SLCO1B1: variants seen among roughly 807,000 people sequenced by gnomAD.
The protein encoded by SLCO1B1 is solute carrier organic anion transporter family member 1B1, also known as OATP-2.
SLCO1B1 carries 81 observed loss-of-function variants against 70.1 expected under a neutral mutation model. The ratio of observed to expected loss-of-function variants is 1.16; its 90% CI spans 0.97 to 1.39. The LOEUF (loss-of-function observed/expected upper bound fraction) is 1.39. Ranked by LOEUF, SLCO1B1 falls within the 40% of genes most tolerant of loss-of-function variation. The probability of loss-of-function intolerance (pLI) is 0.00; values close to 1 mark genes in which losing one functional copy is unlikely to be tolerated. For missense variants in SLCO1B1, 895 were observed against 799.6 expected (o/e 1.12, Z -1.44); for synonymous variants, 283 against 271.5 (o/e 1.04, Z -0.42).
At chr12:21,153,571 G>T (rs1940501622) in intron 2 of SLCO1B1, among the ~76,000 whole-genome samples, 1 of 151,870 alleles carries the variant, frequency 6.6e-6, no homozygotes, top group South Asian at 2.1e-4. Context: ...TCAATTGTTG[G>T]ATGTATAATT....
Position 21,202,471 on chromosome 12 carries a change from T to C in SLCO1B1, c.1136-20T>C, listed in dbSNP as rs779297335. The stretch of plus-strand genomic sequence containing the variant: ...CAGAAAACTCATATATGATTACAAC[T>C]TTTTTTCTTTTTTTTCTAGGAGTCA... On this transcript the variant is annotated intron_variant, in intron 9 of 14. Coordinates refer to ENST00000256958, the MANE Select transcript of SLCO1B1 (RefSeq NM_006446.5). 25 of 1,525,910 alleles carry C rather than the reference T, an allele frequency of 1.6e-5. No homozygotes were observed. In the South Asian group the frequency reaches 2.9e-4, roughly 18 times the overall value. 94.5% of individuals were successfully genotyped at this position (1,525,910 alleles called of 1,614,324 possible).
At chr12:21,180,302 C>T (rs1940879017) in intron 7 of SLCO1B1, among the ~76,000 whole-genome samples, 1 of 152,104 alleles carries the variant, frequency 6.6e-6, no homozygotes, top group South Asian at 2.1e-4. Context: ...TAAAACTTTT[C>T]CCTCTTTTTC....
Position 21,219,412 on chromosome 12 carries a change from G to C in SLCO1B1, c.1682+2109G>C, listed in dbSNP as rs183095843. Reference sequence around the variant, plus strand: ...GTTGACATGTACAAGGTCCAAAAACGTGTGTAAGGAGGAGAGAGGTGACAA... The same window carrying C: ...GTTGACATGTACAAGGTCCAAAAACCTGTGTAAGGAGGAGAGAGGTGACAA... On this transcript the variant is annotated intron_variant, in intron 12 of 14. Transcript: ENST00000256958. Among the ~76,000 whole-genome samples, 402 of 152,306 alleles carry C rather than the reference G, an allele frequency of 2.6e-3. 1 individual carries two copies. Among genetic ancestry groups the C allele is most frequent in the Non-Finnish European group, 4.2e-3 (284 of 68,014 alleles).
At chr12:21,189,202 T>C (rs1940998600) in intron 7 of SLCO1B1, among the ~76,000 whole-genome samples, 1 of 152,208 alleles carries the variant, frequency 6.6e-6, no homozygotes, top group African/African-American at 2.4e-5. Context: ...CCTTTTATAC[T>C]GGCTGTACCT....
chr12:21,228,061 T>G (rs1199568733), intron 14 of SLCO1B1, among the ~76,000 whole-genome samples: 1 of 152,116 alleles, frequency 6.6e-6, no homozygotes, highest in Non-Finnish European at 1.5e-5. Context: ...TATGTTATTC[T>G]TGTGTACTTT....
chr12:21,228,661 T>C (rs1000917042), intron 14 of SLCO1B1, among the ~76,000 whole-genome samples: 1 of 152,132 alleles, frequency 6.6e-6, no homozygotes, highest in Admixed American at 6.5e-5. Context: ...GTTGCTGGGT[T>C]TGAAGATGGA....
intron 7 of SLCO1B1, among the ~76,000 whole-genome samples, chr12:21,188,588 A>G (rs1217446127): frequency 6.6e-6 from 1 of 152,054 alleles, no homozygotes; most frequent in Non-Finnish European, 1.5e-5. Flanking sequence ...TGATTGGGTG[A>G]TAAAGGTAGT....
In SLCO1B1 at chr12:21,210,885, G is replaced by A. The variant is rs571818190; in HGVS notation, c.1497+4852G>A. Among the ~76,000 whole-genome samples the A allele has an allele frequency of 7.2e-5, 11 of 152,058 alleles. No homozygotes were observed. The South Asian group carries it at 1.0e-3, about 14-fold the overall frequency. On this transcript the variant is annotated intron_variant, in intron 11 of 14. Coordinates refer to ENST00000256958, the MANE Select transcript of SLCO1B1 (RefSeq NM_006446.5). ...TTGTCTGTTGTTGGTGTATAGGAATGCTTGTGATTTTTGTACATTGATTTT... is the reference window on the plus strand; with the variant it reads ...TTGTCTGTTGTTGGTGTATAGGAATACTTGTGATTTTTGTACATTGATTTT...
chr12:21,134,349 A>T (rs1940185174), intron 1 of SLCO1B1, among the ~76,000 whole-genome samples: 1 of 152,212 alleles, frequency 6.6e-6, no homozygotes, highest in Non-Finnish European at 1.5e-5. Flanking sequence ...TGGCCTCATA[A>T]AATGAGTTAG....
chr12:21,171,404 A>G (rs1298758358), intron 2 of SLCO1B1, among the ~76,000 whole-genome samples: 4 of 152,164 alleles, frequency 2.6e-5, no homozygotes, highest in Non-Finnish European at 4.4e-5. Context: ...AAAAAAGAGG[A>G]TAGGTTGTTT....
At chr12:21,232,003 G>A (rs1298537020) in intron 14 of SLCO1B1, among the ~76,000 whole-genome samples, 3 of 152,082 alleles carry the variant, frequency 2.0e-5, no homozygotes, top group Non-Finnish European at 4.4e-5. Context: ...AGTGTATGAG[G>A]TATTTTCAAA....
chr12:21,146,465 A>G (rs899868118), intron 2 of SLCO1B1, among the ~76,000 whole-genome samples: 8 of 151,364 alleles, frequency 5.3e-5, no homozygotes, highest in East Asian at 1.9e-4. Context: ...TTTTTATTCT[A>G]TTTTTTCTTG....
chr12:21,192,742 G>C lies in SLCO1B1; in HGVS notation c.728-4204G>C. Among the ~76,000 whole-genome samples, 3 of 151,892 alleles carry C rather than the reference G, an allele frequency of 2.0e-5. 1 individual carries two copies. Among genetic ancestry groups the C allele is most frequent in the Non-Finnish European group, 4.4e-5 (3 of 67,910 alleles). On this transcript the variant is annotated intron_variant, in intron 7 of 14. Coordinates refer to ENST00000256958, the MANE Select transcript of SLCO1B1 (RefSeq NM_006446.5). The stretch of plus-strand genomic sequence containing the variant: ...TATGTGATATTTATCAGTGTGTACT[G>C]AGAGCAAACAATGCCAGATGCTACT...
chr12:21,152,142 T>G (rs1316642599), intron 2 of SLCO1B1, among the ~76,000 whole-genome samples: 1 of 152,130 alleles, frequency 6.6e-6, no homozygotes, highest in Non-Finnish European at 1.5e-5. Context: ...ATCTCAGATA[T>G]CCTGTTTTCA....
chr12:21,164,731 T>C, intron 2 of SLCO1B1: 2 of 446,164 alleles, frequency 4.5e-6, no homozygotes, highest in South Asian at 3.2e-5. Context: ...GTTTTAAGTA[T>C]TTTGTGTCTT....
chr12:21,163,555 A>C (rs1940648197), intron 2 of SLCO1B1, among the ~76,000 whole-genome samples: 1 of 152,196 alleles, frequency 6.6e-6, no homozygotes, highest in Non-Finnish European at 1.5e-5. Context: ...AAAATACCAC[A>C]GACTGGGTAG....
At chr12:21,152,885 C>T (rs188853061) in intron 2 of SLCO1B1, among the ~76,000 whole-genome samples, 2 of 152,270 alleles carry the variant, frequency 1.3e-5, no homozygotes, top group Admixed American at 6.5e-5. Context: ...CTATAAGAAC[C>T]TGGTCAAGCT....
intron 13 of SLCO1B1, 26 bp downstream of exon 13, chr12:21,222,390 A>T (rs780726887): frequency 6.8e-6 from 2 of 296,166 alleles, no homozygotes; most frequent in South Asian, 1.3e-4. Flanking sequence ...AAAAAAAAAA[A>T]AAAAAAAATA....
At chr12:21,211,730 A>T (rs1941288391) in intron 11 of SLCO1B1, among the ~76,000 whole-genome samples, 1 of 152,156 alleles carries the variant, frequency 6.6e-6, no homozygotes, top group South Asian at 2.1e-4. Context: ...TTATTGCCAC[A>T]ATTTCAGATC....
Sources: gnomAD v4.1 joint callset for allele counts (sites outside exome capture counted in the v4.1 genomes callset) on GRCh38, gnomAD v4.1.1 for gene constraint, MANE v1.5 for transcripts, NCBI Gene and HGNC (gene_info 2026-07-23, HGNC 2026-07-21) for gene names.